The following RSU1 variants were observed in gnomAD, a reference collection of about 807,000 sequenced individuals.
RSU1 encodes Ras suppressor protein 1, also known as rsu-1.
Under a neutral mutation model 31.1 loss-of-function variants are expected in RSU1, and 26 were observed. The observed-to-expected ratio is 0.84, with a 90% CI of 0.61 to 1.16. The LOEUF is 1.16. RSU1 is among the 50% of genes most tolerant of loss of function. The pLI is 0.00. For missense variants in RSU1, 320 were observed against 339.1 expected (o/e 0.94, Z 0.44); for synonymous variants, 164 against 136.3 (o/e 1.20, Z -1.41).
chr10:16,710,445 A>G (rs376517392), intron 7 of RSU1, among the ~76,000 whole-genome samples: 1 of 152,180 alleles, frequency 6.6e-6, no homozygotes, highest in Non-Finnish European at 1.5e-5. Context: ...TGTTCACATT[A>G]CAGATACTTA....
intron 7 of RSU1, among the ~76,000 whole-genome samples, chr10:16,715,897 G>C (rs1265485688): frequency 2.6e-5 from 4 of 152,142 alleles, no homozygotes; most frequent in African/African-American, 9.7e-5. Context: ...TAGATAGTGT[G>C]ATATACTTCA....
At chr10:16,805,666 CAA>C (rs35267148) in intron 2 of RSU1, among the ~76,000 whole-genome samples, 22,365 of 78,134 alleles carry the variant, frequency 0.29, 1,585 homozygotes, top group African/African-American at 0.44. Flanking sequence ...GACTCCGTCT[CAA>C]AAAAAAAAAA....
At chr10:16,668,018 G>C (rs1211737737) in intron 8 of RSU1, among the ~76,000 whole-genome samples, 2 of 152,176 alleles carry the variant, frequency 1.3e-5, no homozygotes, top group Non-Finnish European at 2.9e-5. Context: ...TCTGATAATA[G>C]AATAACTGGT....
chr10:16,647,247 C>CA (rs1834589386), intron 8 of RSU1, among the ~76,000 whole-genome samples: 4 of 152,282 alleles, frequency 2.6e-5, no homozygotes, highest in South Asian at 2.1e-4. Flanking sequence ...GTTGGGATTA[C>CA]TGGTGTGAGC....
chr10:16,800,082 A>G (rs1486105992), intron 2 of RSU1, among the ~76,000 whole-genome samples: 1 of 152,212 alleles, frequency 6.6e-6, no homozygotes, highest in Non-Finnish European at 1.5e-5. Flanking sequence ...GGAAGACACA[A>G]GAGAAAATTT....
chr10:16,702,516 T>C (rs1217572037), intron 7 of RSU1, among the ~76,000 whole-genome samples: 1 of 152,196 alleles, frequency 6.6e-6, no homozygotes, highest in Non-Finnish European at 1.5e-5. Flanking sequence ...GCCCTAAATG[T>C]GGAACACGGA....
chr10:16,708,969 T>C (rs1434358550), intron 7 of RSU1, among the ~76,000 whole-genome samples: 1 of 152,026 alleles, frequency 6.6e-6, no homozygotes, highest in Non-Finnish European at 1.5e-5. Context: ...CATTTATTAG[T>C]TCTACCAGTT....
chr10:16,640,263 A>G (rs17138909), intron 8 of RSU1, among the ~76,000 whole-genome samples: 34,016 of 151,840 alleles, frequency 0.22, 4,102 homozygotes, highest in South Asian at 0.4. Flanking sequence ...CCGAGAAACA[A>G]CCCTTGATAT....
chr10:16,738,872 C>G (rs962785797), intron 7 of RSU1, among the ~76,000 whole-genome samples: 1 of 151,746 alleles, frequency 6.6e-6, no homozygotes, highest in African/African-American at 2.4e-5. Context: ...CCCCCACCCC[C>G]CCAGCGGACC....
At chr10:16,757,269 T>C (rs1837114942) in intron 4 of RSU1, among the ~76,000 whole-genome samples, 1 of 152,132 alleles carries the variant, frequency 6.6e-6, no homozygotes, top group Admixed American at 6.5e-5. Flanking sequence ...TAATAAAAGT[T>C]GACAGATACT....
chr10:16,594,531 C>A (rs1342672853), intron 8 of RSU1, among the ~76,000 whole-genome samples: 2 of 150,556 alleles, frequency 1.3e-5, no homozygotes, highest in African/African-American at 4.9e-5. Context: ...CATGGCTCAG[C>A]CTCCTGAGTA....
intron 4 of RSU1, among the ~76,000 whole-genome samples, chr10:16,757,657 G>A (rs916053409): frequency 6.6e-6 from 1 of 152,208 alleles, no homozygotes; most frequent in African/African-American, 2.4e-5. Flanking sequence ...AGGGTGAGGA[G>A]CCAAGACTTC....
chr10:16,706,619 C>T (rs1043113665), intron 7 of RSU1, among the ~76,000 whole-genome samples: 1 of 152,076 alleles, frequency 6.6e-6, no homozygotes, highest in African/African-American at 2.4e-5. Flanking sequence ...TGGAATTATA[C>T]ATACTTATGG....
intron 7 of RSU1, among the ~76,000 whole-genome samples, chr10:16,733,333 TAAAAAAAAAAAAAA>T (rs569239845): frequency 1.3e-5 from 1 of 79,642 alleles, no homozygotes; most frequent in African/African-American, 5.0e-5. Flanking sequence ...TCTACGACAA[TAAAAAAAAAAAAAA>T]AAAAAAAAAA....
At chr10:16,650,345 A>C (rs1834659366) in intron 8 of RSU1, among the ~76,000 whole-genome samples, 1 of 152,182 alleles carries the variant, frequency 6.6e-6, no homozygotes, top group Non-Finnish European at 1.5e-5. Context: ...GCACACTTCC[A>C]ACAACATTTT....
At chr10:16,781,596 G>T (rs1176000046) in intron 3 of RSU1, among the ~76,000 whole-genome samples, 1 of 152,154 alleles carries the variant, frequency 6.6e-6, no homozygotes, top group Non-Finnish European at 1.5e-5. Context: ...CAATGGTCTG[G>T]CAATTCAGGT....
chr10:16,673,146 C>T (rs892735975), intron 8 of RSU1, among the ~76,000 whole-genome samples: 1 of 152,130 alleles, frequency 6.6e-6, no homozygotes. Context: ...GTCCTTTGAC[C>T]CCATTGAAAT....
intron 4 of RSU1, among the ~76,000 whole-genome samples, chr10:16,757,045 T>C (rs1380046581): frequency 6.7e-6 from 1 of 149,790 alleles, no homozygotes; most frequent in East Asian, 2.0e-4. Flanking sequence ...GTGTGGTGTG[T>C]GTGTGGGTGT....
intron 7 of RSU1, among the ~76,000 whole-genome samples, chr10:16,702,865 G>A (rs958878042): frequency 1.3e-5 from 2 of 152,172 alleles, no homozygotes; most frequent in Non-Finnish European, 2.9e-5. Context: ...GGGGCAGAAT[G>A]ATATCGTTTG....
Sources: allele counts gnomAD v4.1 joint callset (sites outside exome capture counted in the v4.1 genomes callset), GRCh38; gene constraint gnomAD v4.1.1; transcripts MANE v1.5; gene names NCBI Gene and HGNC (gene_info 2026-07-23, HGNC 2026-07-21).